Variants in SUN1 observed in about 807,000 individuals in gnomAD.
SUN1 encodes SUN domain-containing protein 1.
Under a neutral mutation model 103.2 loss-of-function variants are expected in SUN1, and 61 were observed. The ratio of observed to expected loss-of-function variants is 0.59; its 90% CI spans 0.48 to 0.73. SUN1 has a LOEUF of 0.73. Ranked by LOEUF, SUN1 falls within the 30% of genes least tolerant of loss-of-function variation. SUN1 has a pLI of 0.00. For synonymous variants in SUN1, 490 were observed against 425.7 expected, an observed-to-expected ratio of 1.15 and a Z score of -1.86; for missense variants, 1,052 against 1,034.6, an observed-to-expected ratio of 1.02 and a Z score of -0.23.
At chr7:832,428 T>C, upstream of SUN1, 1 of 1,258,830 alleles carries the variant, frequency 7.9e-7, no homozygotes, top group South Asian at 1.3e-5. Flanking sequence ...TGTAGGCAGC[T>C]CAGGTTGACT....
chr7:870,716 A>G (rs1840928945), intron 17 of SUN1, among the ~76,000 whole-genome samples: 1 of 152,032 alleles, frequency 6.6e-6, no homozygotes, highest in Non-Finnish European at 1.5e-5. Flanking sequence ...CTCACTGAGT[A>G]TTTCTTTCCC....
chr7:873,080 C>CT (rs1246048876), intron 18 of SUN1, 135 bp from the exon 19 acceptor site: 3 of 830,448 alleles, frequency 3.6e-6, no homozygotes, highest in Non-Finnish European at 6.0e-6. Flanking sequence ...GGGCAAGACT[C>CT]TGTCTCAACA....
chr7:868,125 A>G (rs932419551), intron 16 of SUN1, among the ~76,000 whole-genome samples: 3 of 152,234 alleles, frequency 2.0e-5, no homozygotes, highest in Non-Finnish European at 2.9e-5. Context: ...GTACGTGCCC[A>G]TCGTTCACCA....
chr7:823,738 C>T lies in SUN1; in HGVS notation c.-74+7065C>T, dbSNP rs991523331. Among the ~76,000 whole-genome samples, 29 of 152,186 alleles carry T rather than the reference C, an allele frequency of 1.9e-4. 1 individual carries two copies. The highest frequency in any genetic ancestry group is 6.2e-4 in the South Asian group (3 of 4,812). ...AGAGGCAAGACTGGAGCCAGGGAGACGGTCAAGGCACTTGCAGGGAGCCAG... is the reference window on the plus strand; with the variant it reads ...AGAGGCAAGACTGGAGCCAGGGAGATGGTCAAGGCACTTGCAGGGAGCCAG... On this transcript the variant is annotated intron_variant, in intron 1 of 17. Coordinates refer to the SUN1 transcript ENST00000389574.
Position 852,763 on chromosome 7 carries a change from G to A in SUN1, c.911-47G>A. 4 of 1,612,346 alleles carry A rather than the reference G, an allele frequency of 2.5e-6. No individual in the cohort carries two copies. The South Asian group carries it at 3.3e-5, about 13-fold the overall frequency. ...AAATGAGCGTGTAAGTCCATGTTTT[G>A]AGAAGCGTGGTGTACCTGTGTGTGT... On this transcript the variant is annotated intron_variant, in intron 8 of 18. Transcript: ENST00000401592.
At chr7:849,055 G>C (rs1425157745) in intron 5 of SUN1, among the ~76,000 whole-genome samples, 4 of 152,054 alleles carry the variant, frequency 2.6e-5, no homozygotes, top group Admixed American at 1.3e-4. Flanking sequence ...GGGTTCAAGC[G>C]ATTCTCCTGC....
intron 5 of SUN1, among the ~76,000 whole-genome samples, chr7:847,934 G>A (rs182888600): frequency 1.7e-4 from 25 of 149,424 alleles, no homozygotes; most frequent in African/African-American, 5.2e-4. Context: ...TCCAGTCTCC[G>A]GGATCCCCTG....
At chr7:856,506 G>C in intron 12 of SUN1, 105 bp downstream of exon 12, 2 of 1,299,808 alleles carry the variant, frequency 1.5e-6, no homozygotes, top group Middle Eastern at 1.8e-4. Flanking sequence ...GGCCTCCCCC[G>C]AGGGTCACCT....
intron 15 of SUN1, among the ~76,000 whole-genome samples, chr7:864,011 CCGAAAATTTTATT>C (rs1443444402): frequency 2.6e-5 from 4 of 152,102 alleles, no homozygotes; most frequent in African/African-American, 9.7e-5. Flanking sequence ...CTTTTTTTAT[CCGAAAATTTTATT>C]AGCTGGTATT....
intron 5 of SUN1, chr7:849,442 G>A: frequency 9.0e-7 from 1 of 1,107,922 alleles, no homozygotes; most frequent in Non-Finnish European, 1.2e-6. Context: ...CTCTGATCAT[G>A]TTGACTTCAT....
chr7:836,399 AG>A (rs1274540176), intron 1 of SUN1, among the ~76,000 whole-genome samples: 1 of 152,218 alleles, frequency 6.6e-6, no homozygotes. Context: ...TGGCTCATGG[AG>A]GCTGGCAAGG....
upstream of SUN1, chr7:831,093 A>G (rs556039638): frequency 5.3e-5 from 43 of 808,872 alleles, no homozygotes; most frequent in African/African-American, 7.1e-4. Flanking sequence ...GGAGAGAGAC[A>G]GTTAAACAGG....
At chr7:863,374 T>TCACCA (rs1833858552) in intron 15 of SUN1, among the ~76,000 whole-genome samples, 4 of 151,982 alleles carry the variant, frequency 2.6e-5, no homozygotes, top group South Asian at 2.1e-4. Flanking sequence ...TGCCCGGGGT[T>TCACCA]GTGTGCTGCC....
chr7:859,993 G>T, intron 13 of SUN1, 135 bp from the exon 14 acceptor site: 1 of 1,192,094 alleles, frequency 8.4e-7, no homozygotes, highest in Non-Finnish European at 1.2e-6. Flanking sequence ...TAATATGAAG[G>T]AAAACACTGT....
chr7:842,922 G>T, intron 3 of SUN1: 1 of 564,850 alleles, frequency 1.8e-6, no homozygotes, highest in Non-Finnish European at 3.2e-6. Flanking sequence ...TGAGAAGATA[G>T]ATGGGCTTTC....
chr7:854,114 A>G (rs1824812826), intron 10 of SUN1, among the ~76,000 whole-genome samples: 1 of 152,218 alleles, frequency 6.6e-6, no homozygotes, highest in Admixed American at 6.5e-5. Flanking sequence ...TCTTGTGAAG[A>G]AAACAGCCGA....
chr7:839,520 G>C (rs10261894), intron 2 of SUN1, among the ~76,000 whole-genome samples: 6,230 of 56,256 alleles, frequency 0.11, 505 homozygotes, highest in East Asian at 0.23. Flanking sequence ...TGAGTAGCTG[G>C]GATTACAGGC....
chr7:823,626 G>A (rs1217853574), intron 1 of SUN1, among the ~76,000 whole-genome samples: 1 of 152,170 alleles, frequency 6.6e-6, no homozygotes, highest in African/African-American at 2.4e-5. Context: ...GTGTGTGCAG[G>A]CAGCCATGGG....
chr7:836,400 G>A (rs1008421640), intron 1 of SUN1, among the ~76,000 whole-genome samples: 1 of 152,222 alleles, frequency 6.6e-6, no homozygotes, highest in South Asian at 2.1e-4. Context: ...GGCTCATGGA[G>A]GCTGGCAAGG....
Sources: allele counts gnomAD v4.1 joint callset (sites outside exome capture counted in the v4.1 genomes callset), GRCh38; gene constraint gnomAD v4.1.1; transcripts MANE v1.5; gene names NCBI Gene and HGNC (gene_info 2026-07-23, HGNC 2026-07-21).